The following FLAD1 variants were observed in gnomAD, a reference collection of about 807,000 sequenced individuals.
FLAD1 encodes the protein bifunctional FAD diphosphatase/FAD synthase.
Under a neutral mutation model 55.0 loss-of-function variants are expected in FLAD1, and 35 were observed. The observed-to-expected ratio is 0.64, with a 90% CI of 0.49 to 0.84. The LOEUF is 0.84. Ranked by LOEUF, FLAD1 falls within the 40% of genes least tolerant of loss-of-function variation. FLAD1 has a pLI of 0.00. For synonymous variants in FLAD1, 267 were observed against 303.0 expected (o/e 0.88, Z 1.23); for missense variants, 665 against 742.6 (o/e 0.90, Z 1.21).
intron 1 of FLAD1, among the ~76,000 whole-genome samples, chr1:154,986,381 T>C (rs1431816810): frequency 1.3e-5 from 2 of 152,134 alleles, no homozygotes; most frequent in African/African-American, 2.4e-5. Context: ...CACGACTGGC[T>C]AATTTTTTGT....
intron 1 of FLAD1, among the ~76,000 whole-genome samples, chr1:154,986,094 A>G (rs1174725974): frequency 1.3e-5 from 2 of 150,314 alleles, no homozygotes; most frequent in Non-Finnish European, 3.0e-5. Context: ...CTGGAGCGCA[A>G]ATGGCGCAAT....
chr1:154,992,788 T>G lies in FLAD1; in HGVS notation c.1628+2T>G. 1 of 1,613,988 alleles carries G rather than the reference T, an allele frequency of 6.2e-7. No individual in the cohort carries two copies. The highest frequency in any genetic ancestry group is 8.5e-7 in the Non-Finnish European group (1 of 1,179,982). ...ATACTGTATCCTGTATGACCGAGGG[T>G]AAGGGTATTAGGGGAAGGGAATGGG... On this transcript the variant is annotated splice_donor_variant, in intron 6 of 6. Transcript: ENST00000292180. LOFTEE classifies it high-confidence loss of function.
Position 154,988,744 on chromosome 1 carries a change from T to C in FLAD1, c.1012T>C (p.Cys338Arg), listed in dbSNP as rs771791552. The change falls in exon 2 of 7, where the codon TGC (cysteine) becomes CGC (arginine). Residue 338 changes from cysteine (C) to arginine (R), a missense_variant. Cys to Arg is a radical substitution (Grantham distance 180). Transcript: ENST00000292180. ...AGAGGAAGAAGGACCCCTGGAGGAATGCTTGGCCTACCTGACTGCCCGTTT... is the reference window on the plus strand; with the variant it reads ...AGAGGAAGAAGGACCCCTGGAGGAACGCTTGGCCTACCTGACTGCCCGTTT... ...DSEEEGPLEE[C>R]LAYLTARLPQ... 1 of 1,614,192 alleles carries C rather than the reference T, an allele frequency of 6.2e-7. No individual in the cohort carries two copies. Among genetic ancestry groups the C allele is most frequent in the African/African-American group, 1.3e-5 (1 of 75,058 alleles).
chr1:154,992,807 G>A lies in FLAD1; in HGVS notation c.1628+21G>A, dbSNP rs770605497. 17 of 1,614,030 alleles carry A rather than the reference G, an allele frequency of 1.1e-5. No individual in the cohort carries two copies. In the South Asian group the frequency reaches 1.9e-4, roughly 18 times the overall value. ...CGAGGGTAAGGGTATTAGGGGAAGG[G>A]AATGGGTAAGGGAGTTTTTAGGGTG... On this transcript the variant is annotated intron_variant, in intron 6 of 6. Transcript: ENST00000292180.
In FLAD1 at chr1:154,988,862, T is replaced by A; in HGVS notation, c.1117+13T>A. ...CTCGCTGAATCAGGTAGGGACCTTA[T>A]GGAGGAGGGGCATTATGCCCAAAGC... On this transcript the variant is annotated intron_variant, in intron 2 of 6. Transcript: ENST00000292180. 2 of 1,613,926 alleles carry A rather than the reference T, an allele frequency of 1.2e-6. No homozygotes were observed. The highest frequency in any genetic ancestry group is 1.7e-6 in the Non-Finnish European group (2 of 1,179,858).
intron 5 of FLAD1, 52 bp downstream of exon 5, chr1:154,990,580 C>T: frequency 6.7e-7 from 1 of 1,501,950 alleles, no homozygotes; most frequent in Non-Finnish European, 8.9e-7. Flanking sequence ...CCAGCAGTCA[C>T]TGCACCCTAG....
In FLAD1 at chr1:154,992,561, A is replaced by G. The variant is rs1657927129; in HGVS notation, c.1555-152A>G. 15 of 1,613,556 alleles carry G rather than the reference A, an allele frequency of 9.3e-6. No homozygotes were observed. In the South Asian group the frequency reaches 9.9e-5, roughly 11 times the overall value. ...AGTCCTTCTCTTTCTCTTTGCATAC[A>G]TAGAGCAAGCTATACCAGAGAATCA... On this transcript the variant is annotated intron_variant, in intron 5 of 6. Transcript: ENST00000292180.
chr1:154,983,772 G>C lies in FLAD1; in HGVS notation c.78G>C (p.Lys26Asn). The C allele has an allele frequency of 1.2e-6, 2 of 1,614,192 alleles. No individual in the cohort carries two copies. Among genetic ancestry groups the C allele is most frequent in the Non-Finnish European group, 1.7e-6 (2 of 1,180,016 alleles). The change falls in exon 1 of 7, where the codon AAG becomes AAC. Residue 26 changes from lysine (K) to asparagine (N), a missense_variant. By Grantham distance (94) the Lys-to-Asn change is moderately conservative (BLOSUM62 0). Transcript: ENST00000292180. Reference protein sequence around the residue: ...RSRLSRIWLEKTRVFLEGSTR... With the variant: ...RSRLSRIWLENTRVFLEGSTR... Reference sequence around the variant, plus strand: ...GCTTGTCAAGGATCTGGTTAGAGAAGACTAGGGTCTTCCTCGAAGGAAGCA... The same window carrying C: ...GCTTGTCAAGGATCTGGTTAGAGAACACTAGGGTCTTCCTCGAAGGAAGCA...
chr1:154,991,769 T>C (rs1163842262), intron 5 of FLAD1, among the ~76,000 whole-genome samples: 1 of 151,846 alleles, frequency 6.6e-6, no homozygotes, highest in Admixed American at 6.6e-5. Flanking sequence ...GGAAGATCGC[T>C]TGAGCCAGGG....
Position 154,992,806 on chromosome 1 carries a change from G to A in FLAD1, c.1628+20G>A. 1 of 1,614,166 alleles carries A rather than the reference G, an allele frequency of 6.2e-7. No homozygotes were observed. Among genetic ancestry groups the A allele is most frequent in the African/African-American group, 1.3e-5 (1 of 75,026 alleles). On this transcript the variant is annotated intron_variant, in intron 6 of 6. Coordinates refer to ENST00000292180, the MANE Select transcript of FLAD1 (RefSeq NM_025207.5). ...CCGAGGGTAAGGGTATTAGGGGAAG[G>A]GAATGGGTAAGGGAGTTTTTAGGGT...
chr1:154,989,778 AAG>A, intron 3 of FLAD1, 71 bp downstream of exon 3: 2 of 1,445,488 alleles, frequency 1.4e-6, no homozygotes, highest in Non-Finnish European at 1.8e-6. Flanking sequence ...AGCAAGGAGA[AAG>A]GGGGTGTACA....
At chr1:154,992,620 A>C in intron 5 of FLAD1, 93 bp from the exon 6 acceptor site, 1 of 1,614,142 alleles carries the variant, frequency 6.2e-7, no homozygotes. Context: ...CCAAGGGAGC[A>C]GAAGAGCCAT....
intron 5 of FLAD1, 116 bp downstream of exon 5, chr1:154,990,644 A>G: frequency 9.9e-7 from 1 of 1,005,158 alleles, no homozygotes; most frequent in East Asian, 2.7e-5. Context: ...AAGGGGCCTC[A>G]TCATCCAAGG....
In FLAD1 at chr1:154,986,952, C is replaced by T. The variant is rs567387233; in HGVS notation, c.373-1153C>T. Among the ~76,000 whole-genome samples the T allele has an allele frequency of 4.6e-5, 7 of 151,878 alleles. 1 individual carries two copies. The South Asian group carries it at 1.5e-3, about 32-fold the overall frequency. On this transcript the variant is annotated intron_variant, in intron 1 of 6. Transcript: ENST00000292180. Reference sequence around the variant, plus strand: ...GGTCAGAGAGGTTGAGAAACCTGCCCAGGGTTACATACCTAGGAAGTTGTA... The same window carrying T: ...GGTCAGAGAGGTTGAGAAACCTGCCTAGGGTTACATACCTAGGAAGTTGTA...
At chr1:154,985,664 C>T (rs1372236555) in intron 1 of FLAD1, among the ~76,000 whole-genome samples, 2 of 151,620 alleles carry the variant, frequency 1.3e-5, no homozygotes, top group East Asian at 3.9e-4. Flanking sequence ...ACCTCAGCCT[C>T]CCAAAATGTT....
chr1:154,987,140 ACTTCAGCCTCCCAAG>A (rs879657926), intron 1 of FLAD1, among the ~76,000 whole-genome samples: 1 of 149,602 alleles, frequency 6.7e-6, no homozygotes, highest in Non-Finnish European at 1.5e-5. Flanking sequence ...CAGCCCACCC[ACTTCAGCCTCCCAAG>A]TAGCTGGGAC....
At position 154,988,499 on chromosome 1, in the gene FLAD1, G is replaced by A. The variant is rs781601059; in HGVS notation, c.767G>A (p.Gly256Asp). The change falls in exon 2 of 7, where the codon GGC (glycine) becomes GAC (aspartate). Residue 256 changes from glycine to aspartate, a missense_variant. Gly to Asp is a moderately conservative substitution (Grantham distance 94). Transcript: ENST00000292180. The stretch of plus-strand genomic sequence containing the variant: ...GTCCGAAACGTCTACCTCTTCCCAG[G>A]CATTCCAGAGCTGCTGCGGCGGGTG... ...VSVRNVYLFP[G>D]IPELLRRVLE... 1 of 1,614,246 alleles carries A rather than the reference G, an allele frequency of 6.2e-7. No individual in the cohort carries two copies. Among genetic ancestry groups the A allele is most frequent in the Non-Finnish European group, 8.5e-7 (1 of 1,180,050 alleles).
At chr1:154,985,111 G>A (rs1291279768) in intron 1 of FLAD1, among the ~76,000 whole-genome samples, 1 of 135,980 alleles carries the variant, frequency 7.4e-6, no homozygotes, top group African/African-American at 2.7e-5. Context: ...AAACTCCTGG[G>A]CTCAAGCAAT....
intron 2 of FLAD1, chr1:154,989,075 C>T: frequency 1.8e-6 from 2 of 1,094,694 alleles, no homozygotes; most frequent in East Asian, 2.6e-5. Context: ...ATGCCCTGCT[C>T]TTATGGACCA....
Sources: gnomAD v4.1 joint callset for allele counts (sites outside exome capture counted in the v4.1 genomes callset) on GRCh38, gnomAD v4.1.1 for gene constraint, MANE v1.5 for transcripts, NCBI Gene and HGNC (gene_info 2026-07-23, HGNC 2026-07-21) for gene names.